The following UVSSA variants were observed in gnomAD, a reference collection of about 807,000 sequenced individuals.
UVSSA encodes UV-stimulated scaffold protein A.
UVSSA carries 72 observed loss-of-function variants against 73.9 expected under a neutral mutation model. The ratio of observed to expected loss-of-function variants is 0.97; its 90% CI spans 0.81 to 1.19. The LOEUF (loss-of-function observed/expected upper bound fraction) is 1.19. UVSSA is among the 50% of genes most tolerant of loss of function. The pLI is 0.00. For synonymous variants in UVSSA, 454 were observed against 391.3 expected, an observed-to-expected ratio of 1.16 and a Z score of -1.89; for missense variants, 1,150 against 965.0, an observed-to-expected ratio of 1.19 and a Z score of -2.54.
At chr4:1,384,554 C>A (rs1016253968) in intron 13 of UVSSA, 1 of 152,508 alleles carries the variant, frequency 6.6e-6, no homozygotes, top group African/African-American at 2.4e-5. Context: ...ACCAGCCACT[C>A]GCACGGCCTT....
chr4:1,395,489 T>A lies in UVSSA; in HGVS notation c.*9528T>A, dbSNP rs148200719. On this transcript the variant is annotated 3_prime_UTR_variant, in exon 14 of 14. Coordinates refer to the UVSSA transcript ENST00000511216. ...AGTGCCCGCCTGCTCACACGTGCCA[T>A]TGTGGAGTGCCCGCCTGCTCACACA... is the stretch of plus-strand genomic sequence containing the variant. 7.6e-5 allele frequency: 98 copies of A among 1,285,178 alleles called. No individual in the cohort carries two copies. In the African/African-American group the frequency reaches 9.1e-4, roughly 12 times the overall value. 79.6% of individuals were successfully genotyped at this position (1,285,178 alleles called of 1,614,324 possible).
At chr4:1,378,263 C>A (rs1258931354) in intron 10 of UVSSA, among the ~76,000 whole-genome samples, 2 of 152,122 alleles carry the variant, frequency 1.3e-5, no homozygotes, top group Admixed American at 6.5e-5. Flanking sequence ...AGAGGGCTGG[C>A]GGGCCCTGGC....
At chr4:1,354,228 T>C (rs1399985697) in intron 5 of UVSSA, among the ~76,000 whole-genome samples, 1 of 152,140 alleles carries the variant, frequency 6.6e-6, no homozygotes, top group Non-Finnish European at 1.5e-5. Flanking sequence ...GCCTGGGCTG[T>C]CCTCGCCTGT....
intron 8 of UVSSA, among the ~76,000 whole-genome samples, chr4:1,367,467 C>T (rs1717484820): frequency 6.6e-6 from 1 of 152,184 alleles, no homozygotes; most frequent in Non-Finnish European, 1.5e-5. Flanking sequence ...AGATATGACC[C>T]ATTAAGGGTG....
At chr4:1,351,288 T>C (rs1230423625) in intron 3 of UVSSA, among the ~76,000 whole-genome samples, 1 of 151,804 alleles carries the variant, frequency 6.6e-6, no homozygotes, top group Middle Eastern at 3.2e-3. Flanking sequence ...ATGGTCTCAA[T>C]CTCCTGACCT....
At chr4:1,361,011 C>G (rs889383101) in intron 7 of UVSSA, among the ~76,000 whole-genome samples, 7 of 152,228 alleles carry the variant, frequency 4.6e-5, no homozygotes, top group Non-Finnish European at 1.0e-4. Context: ...AGAGGCCGCC[C>G]TGGCCCAGCT....
At chr4:1,378,964 T>C (rs905826378) in intron 10 of UVSSA, among the ~76,000 whole-genome samples, 2 of 152,152 alleles carry the variant, frequency 1.3e-5, no homozygotes, top group Non-Finnish European at 2.9e-5. Context: ...CAGACCAAGG[T>C]GGATGCAGAA....
At chr4:1,377,292 C>T (rs953184774) in intron 10 of UVSSA, among the ~76,000 whole-genome samples, 4 of 152,166 alleles carry the variant, frequency 2.6e-5, no homozygotes, top group Admixed American at 1.3e-4. Context: ...CCTGTGTTCC[C>T]GGGGTTCTGC....
intron 10 of UVSSA, among the ~76,000 whole-genome samples, chr4:1,376,393 C>T (rs780218003): frequency 2.3e-4 from 35 of 152,118 alleles, no homozygotes; most frequent in African/African-American, 6.3e-4. Flanking sequence ...GCTGCTGTGT[C>T]GGGGGCCATC....
At chr4:1,392,131 A>G (rs898126763), downstream of UVSSA, 2 of 152,216 alleles carry the variant, frequency 1.3e-5, no homozygotes, top group Non-Finnish European at 2.9e-5. Flanking sequence ...TGAGTATTAC[A>G]GTAACAACGT....
chr4:1,380,328 G>A (rs1719329399), intron 11 of UVSSA, 98 bp downstream of exon 11: 1 of 1,410,572 alleles, frequency 7.1e-7, no homozygotes, highest in Non-Finnish European at 9.5e-7. Context: ...CTGGGTCAGG[G>A]TGCTTGTGAG....
intron 10 of UVSSA, among the ~76,000 whole-genome samples, chr4:1,378,568 G>A (rs1334399310): frequency 6.6e-6 from 1 of 152,124 alleles, no homozygotes; most frequent in Non-Finnish European, 1.5e-5. Flanking sequence ...AATAGCCAGT[G>A]GTCCTCGGCC....
In UVSSA at chr4:1,394,648, C is replaced by G. The variant is rs367925864; in HGVS notation, c.*8687C>G. 8.8e-5 allele frequency: 133 copies of G among 1,519,346 alleles called. 1 individual carries two copies. The highest frequency in any genetic ancestry group is 1.1e-4 in the Non-Finnish European group (126 of 1,120,610). The allele number at this position is 1,519,346 out of a possible 1,614,324, so 94.1% of individuals were successfully genotyped here. A position where few individuals can be genotyped will look rare whatever the true frequency, so the allele number is the denominator to read the frequency against. ...TGTCGATGCGGAGTGCCCGCCTGCT[C>G]ACACATGCCCATGTGGAGTGCCCGC... On this transcript the variant is annotated 3_prime_UTR_variant, in exon 14 of 14. Transcript: ENST00000511216.
chr4:1,375,654 A>G (rs1182067673), intron 9 of UVSSA, 146 bp downstream of exon 9: 17 of 1,325,174 alleles, frequency 1.3e-5, no homozygotes, highest in Non-Finnish European at 1.7e-5. Flanking sequence ...CGGCCGGGTG[A>G]GCAGTGTTGG....
rs1553877116 is a variant in UVSSA at position 1,354,903 on chromosome 4, T to TTTGGG, written c.1047+56_1047+57insTTGGG. Reference sequence around the variant, plus strand: ...AGGGACGTGTGCAGAGTGCCATGCATGGGGGGGGTCCCTTTCTTGGGGGGA... The same window carrying TTTGGG: ...AGGGACGTGTGCAGAGTGCCATGCATTTGGGGGGGGGGGTCCCTTTCTTGGGGGGA... On this transcript the variant is annotated intron_variant, in intron 6 of 13. Coordinates refer to ENST00000389851, the MANE Select transcript of UVSSA (RefSeq NM_020894.4). The TTTGGG allele has an allele frequency of 2.1e-3, 3,062 of 1,459,454 alleles. 9 individuals are homozygous for TTTGGG. The highest frequency in any genetic ancestry group is 2.5e-3 in the Non-Finnish European group (2,652 of 1,070,958). The allele number at this position is 1,459,454 out of a possible 1,614,324, so 90.4% of individuals were successfully genotyped here.
intron 7 of UVSSA, among the ~76,000 whole-genome samples, chr4:1,355,869 C>G (rs1034327230): frequency 6.6e-6 from 1 of 152,076 alleles, no homozygotes; most frequent in East Asian, 1.9e-4. Flanking sequence ...TTGGGTGTGT[C>G]GGAGCCGTTC....
At chr4:1,360,576 C>T (rs953433673) in intron 7 of UVSSA, among the ~76,000 whole-genome samples, 5 of 152,198 alleles carry the variant, frequency 3.3e-5, no homozygotes, top group Admixed American at 6.5e-5. Flanking sequence ...CAGAGGCTGG[C>T]GCCTGCTTCC....
Position 1,353,182 on chromosome 4 carries a change from G to A in UVSSA, c.703G>A (p.Val235Met). The change falls in exon 5 of 14, where the codon GTG becomes ATG. Residue 235 changes from valine (V) to methionine (M), a missense_variant. Coordinates refer to ENST00000389851, the MANE Select transcript of UVSSA (RefSeq NM_020894.4). ...CCTTCGCTCCTCCTGCGCGGGCCAG[G>A]TGGGCCCCTGCCGGTCTGGCACCCC... Reference protein sequence around the residue: ...DALRSSCAGQVGPCRSGTPDP... With the variant: ...DALRSSCAGQMGPCRSGTPDP... The A allele has an allele frequency of 1.2e-6, 2 of 1,612,674 alleles. No homozygotes were observed.
At chr4:1,374,007 G>C (rs962170363) in intron 8 of UVSSA, among the ~76,000 whole-genome samples, 5 of 152,248 alleles carry the variant, frequency 3.3e-5, no homozygotes, top group Non-Finnish European at 7.3e-5. Flanking sequence ...CTTCGCCCCA[G>C]CTGCCAGTTC....
Sources: allele counts gnomAD v4.1 joint callset (sites outside exome capture counted in the v4.1 genomes callset), GRCh38; gene constraint gnomAD v4.1.1; transcripts MANE v1.5; gene names NCBI Gene and HGNC (gene_info 2026-07-23, HGNC 2026-07-21).